The following CGNL1 variants were observed in gnomAD, a reference collection of about 807,000 sequenced individuals.
CGNL1 encodes cingulin-like protein 1.
Under a neutral mutation model 141.2 loss-of-function variants are expected in CGNL1, and 132 were observed. The ratio of observed to expected loss-of-function variants is 0.93; its 90% confidence interval spans 0.81 to 1.08. The LOEUF is 1.08. Among genes scored for constraint, CGNL1 ranks in the 50% least tolerant of loss-of-function variants. The pLI, the probability that CGNL1 is intolerant of heterozygous loss-of-function variation, is 0.00. For missense variants in CGNL1, 1,870 were observed against 1,588.6 expected (o/e 1.18, Z -3.01); for synonymous variants, 690 against 622.1 (o/e 1.11, Z -1.63).
At chr15:57,451,407 C>T in intron 4 of CGNL1, 93 bp from the exon 5 acceptor site, 3 of 847,570 alleles carry the variant, frequency 3.5e-6, no homozygotes, top group South Asian at 1.8e-5. Flanking sequence ...TATGCCTCAT[C>T]TGTTACTGCA....
chr15:57,437,853 G>A (rs1441743467), intron 1 of CGNL1, 132 bp from the exon 2 acceptor site: 1 of 893,958 alleles, frequency 1.1e-6, no homozygotes, highest in Non-Finnish European at 1.7e-6. Context: ...TGGTTCTGAG[G>A]TGTCTTTGCT....
At chr15:57,413,003 G>A (rs2062807365) in intron 1 of CGNL1, among the ~76,000 whole-genome samples, 1 of 151,566 alleles carries the variant, frequency 6.6e-6, no homozygotes, top group Non-Finnish European at 1.5e-5. Context: ...TGGGATGACA[G>A]GTGCGTGCCA....
At chr15:57,451,018 A>T in intron 4 of CGNL1, among the ~76,000 whole-genome samples, 1 of 14,092 alleles carries the variant, frequency 7.1e-5, no homozygotes, top group Non-Finnish European at 3.2e-3. Flanking sequence ...CCATTAAAAT[A>T]GAAAAAATGA....
At chr15:57,524,945 A>G (rs570412301) in intron 12 of CGNL1, among the ~76,000 whole-genome samples, 194 bp downstream of exon 12, 3 of 152,298 alleles carry the variant, frequency 2.0e-5, no homozygotes, top group African/African-American at 7.2e-5. Flanking sequence ...GCGGACTGTG[A>G]GGCTAAATGG....
chr15:57,423,922 C>G (rs571300719), intron 1 of CGNL1, among the ~76,000 whole-genome samples: 2 of 152,210 alleles, frequency 1.3e-5, no homozygotes, highest in Non-Finnish European at 2.9e-5. Context: ...GCAGAGCCAC[C>G]GCAGCTCGGT....
At chr15:57,510,612 A>G (rs2030199188) in intron 8 of CGNL1, among the ~76,000 whole-genome samples, 1 of 152,224 alleles carries the variant, frequency 6.6e-6, no homozygotes, top group Non-Finnish European at 1.5e-5. Context: ...GAGACATAGT[A>G]GAATGAAACA....
At position 57,546,169 on chromosome 15, in the gene CGNL1, G is replaced by C; in HGVS notation, c.3703G>C (p.Glu1235Gln). 6.2e-7 allele frequency: 1 copy of C among 1,611,470 alleles called. No individual in the cohort carries two copies. Among genetic ancestry groups the C allele is most frequent in the African/African-American group, 1.3e-5 (1 of 75,022 alleles). Reference sequence around the variant, plus strand: ...AAGTTCTAAAAAGAAGCTGCAGAGGGAGCTGGAGGAGCAGATGGACATGAA... The same window carrying C: ...AAGTTCTAAAAAGAAGCTGCAGAGGCAGCTGGAGGAGCAGATGGACATGAA... ...LESSKKKLQR[E>Q]LEEQMDMNEH... Residue 1235 changes from glutamate (E) to glutamine (Q), a missense_variant, in exon 18 of 19, where the codon GAG becomes CAG. Transcript: ENST00000281282.
At chr15:57,545,019 G>A (rs2032779210) in intron 16 of CGNL1, among the ~76,000 whole-genome samples, 1 of 152,166 alleles carries the variant, frequency 6.6e-6, no homozygotes, top group South Asian at 2.1e-4. Context: ...TCAGAGATGG[G>A]GCAGGTCCTC....
intron 1 of CGNL1, among the ~76,000 whole-genome samples, chr15:57,409,172 C>A (rs1374395889): frequency 2.0e-5 from 3 of 152,074 alleles, no homozygotes; most frequent in Non-Finnish European, 2.9e-5. Context: ...AACAAAAGGT[C>A]TGAAATCTGG....
intron 8 of CGNL1, among the ~76,000 whole-genome samples, chr15:57,512,497 C>T (rs752511987): frequency 1.4e-4 from 22 of 152,052 alleles, no homozygotes; most frequent in Non-Finnish European, 2.6e-4. Context: ...AACATAGTAT[C>T]GCTTTACAAA....
Position 57,550,616 on chromosome 15 carries a change from T to C in CGNL1, c.*3126T>C, listed in dbSNP as rs1185103955. The stretch of plus-strand genomic sequence containing the variant: ...TTAGGGTATGGTTTGGTCGCTTTGG[T>C]TGTCATGAGAAAGAGACATTCTCCT... On this transcript the variant is annotated 3_prime_UTR_variant, in exon 19 of 19. Coordinates refer to ENST00000281282, the MANE Select transcript of CGNL1 (RefSeq NM_032866.5). 2.0e-5 allele frequency: 3 copies of C among 152,632 alleles called. No homozygotes were observed. The highest frequency in any genetic ancestry group is 4.4e-5 in the Non-Finnish European group (3 of 68,040). 9.5% of individuals were successfully genotyped at this position (152,632 alleles called of 1,614,324 possible).
At position 57,442,446 on chromosome 15, in the gene CGNL1, C is replaced by G; in HGVS notation, c.1771C>G (p.Arg591Gly). 3 of 1,613,222 alleles carry G rather than the reference C, an allele frequency of 1.9e-6. No individual in the cohort carries two copies. Among genetic ancestry groups the G allele is most frequent in the Non-Finnish European group, 2.5e-6 (3 of 1,179,330 alleles). Residue 591 changes from arginine (R) to glycine (G), a missense_variant, in exon 4 of 19, where the codon CGA (arginine) becomes GGA (glycine). By Grantham distance (125) the Arg-to-Gly change is moderately radical. Coordinates refer to ENST00000281282, the MANE Select transcript of CGNL1 (RefSeq NM_032866.5). Reference protein sequence around the residue: ...VFEKIQTLKSRAAGSAQGNNQ... With the variant: ...VFEKIQTLKSGAAGSAQGNNQ... ...TGAGAAAATCCAGACCTTAAAGTCT[C>G]GAGCAGCTGGGAGCGCCCAAGGAAA... is the stretch of plus-strand genomic sequence containing the variant.
chr15:57,459,614 G>T (rs1249611670), intron 7 of CGNL1, among the ~76,000 whole-genome samples: 3 of 152,212 alleles, frequency 2.0e-5, no homozygotes, highest in Non-Finnish European at 2.9e-5. Flanking sequence ...GAGCCTGGAT[G>T]CGGGGAGCAG....
At chr15:57,484,310 A>AT (rs1334797471) in intron 8 of CGNL1, among the ~76,000 whole-genome samples, 1 of 152,194 alleles carries the variant, frequency 6.6e-6, no homozygotes, top group Non-Finnish European at 1.5e-5. Flanking sequence ...AAATTATTAT[A>AT]TTTAATATCG....
At chr15:57,544,365 C>G (rs1299391738) in intron 15 of CGNL1, 108 bp from the exon 16 acceptor site, 3 of 1,379,982 alleles carry the variant, frequency 2.2e-6, no homozygotes, top group East Asian at 2.3e-5. Context: ...GGAAAGCAGC[C>G]TCATCGCATG....
chr15:57,472,817 A>G (rs954469105), intron 8 of CGNL1, among the ~76,000 whole-genome samples: 1 of 152,202 alleles, frequency 6.6e-6, no homozygotes, highest in African/African-American at 2.4e-5. Context: ...GAAGTTTGGT[A>G]TGCTGACGGA....
At chr15:57,498,836 CT>C (rs1217075195) in intron 8 of CGNL1, among the ~76,000 whole-genome samples, 4 of 151,576 alleles carry the variant, frequency 2.6e-5, no homozygotes, top group African/African-American at 7.3e-5. Flanking sequence ...CCAGGAGGAA[CT>C]TTTTTTTAAA....
At chr15:57,433,839 G>T (rs2063073389) in intron 1 of CGNL1, among the ~76,000 whole-genome samples, 1 of 152,160 alleles carries the variant, frequency 6.6e-6, no homozygotes, top group Non-Finnish European at 1.5e-5. Flanking sequence ...CCCCAGCAAT[G>T]AAGTGGAAGA....
chr15:57,523,569 A>G lies in CGNL1; in HGVS notation c.2796A>G (p.Leu932=), dbSNP rs975040800. The change falls in exon 11 of 19, where the codon CTA becomes CTG. Residue 932 remains leucine (L), a synonymous_variant. Transcript: ENST00000281282. ...LKEESEQKEQ[L]RRLKNEMENE... ...AGGAGAGTGAGCAGAAGGAGCAGCT[A>G]AGAAGGTTGAAGAACGAGATGGAGA... is the stretch of plus-strand genomic sequence containing the variant. 4 of 1,614,066 alleles carry G rather than the reference A, an allele frequency of 2.5e-6. No individual in the cohort carries two copies. The highest frequency in any genetic ancestry group is 2.5e-6 in the Non-Finnish European group (3 of 1,180,036).
Sources: gnomAD v4.1 joint callset for allele counts (sites outside exome capture counted in the v4.1 genomes callset) on GRCh38, gnomAD v4.1.1 for gene constraint, MANE v1.5 for transcripts, NCBI Gene and HGNC (gene_info 2026-07-23, HGNC 2026-07-21) for gene names.